PSD3: variants seen among roughly 807,000 people sequenced by gnomAD.
PSD3 encodes the protein pleckstrin and Sec7 domain containing 3, also known as PH and SEC7 domain-containing protein 3.
A neutral mutation model predicts 105.5 loss-of-function variants in PSD3; 49 were observed. The ratio of observed to expected loss-of-function variants is 0.46; its 90% CI spans 0.37 to 0.59. The LOEUF (loss-of-function observed/expected upper bound fraction) is 0.59, where lower values mean the gene tolerates loss of function less well. PSD3 is among the 20% of genes least tolerant of loss of function. The probability of loss-of-function intolerance (pLI) is 0.00; values close to 1 mark genes in which losing one functional copy is unlikely to be tolerated. For missense variants in PSD3, 1,561 were observed against 1,263.8 expected (o/e 1.24, Z -3.57); for synonymous variants, 557 against 457.8 (o/e 1.22, Z -2.77).
At chr8:18,751,924 C>T (rs1436679371) in intron 9 of PSD3, among the ~76,000 whole-genome samples, 5 of 148,258 alleles carry the variant, frequency 3.4e-5, no homozygotes, top group African/African-American at 1.3e-4. Context: ...CCTGGAATCC[C>T]AGCACTTTGG....
At chr8:18,878,659 A>G (rs1817889557) in intron 2 of PSD3, among the ~76,000 whole-genome samples, 1 of 152,164 alleles carries the variant, frequency 6.6e-6, no homozygotes, top group Admixed American at 6.5e-5. Context: ...TTATTTTCAC[A>G]TTTCAACACC....
At chr8:18,968,415 C>G (rs1298229244) in intron 1 of PSD3, among the ~76,000 whole-genome samples, 2 of 152,216 alleles carry the variant, frequency 1.3e-5, no homozygotes, top group Admixed American at 1.3e-4. Context: ...AAACCACACA[C>G]GTTATTTCAA....
At chr8:18,774,564 A>C in intron 8 of PSD3, 1 of 330,644 alleles carries the variant, frequency 3.0e-6, no homozygotes, top group Non-Finnish European at 5.8e-6. Flanking sequence ...TAGACCTCTT[A>C]CTTCTGTCGT....
chr8:18,534,278 T>C lies in PSD3; in HGVS notation c.*1465A>G, dbSNP rs1799743737. 6.6e-6 allele frequency: 1 copy of C among 152,566 alleles called. No homozygotes were observed. The highest frequency in any genetic ancestry group is 2.1e-4 in the South Asian group (1 of 4,820). The allele number at this position is 152,566 out of a possible 1,614,324, so 9.5% of individuals were successfully genotyped here. On this transcript the variant is annotated 3_prime_UTR_variant, in exon 16 of 16. Transcript: ENST00000327040. ...CTATTAGTTCTGAAGTTGTGCCACT[T>C]GCGGAGATTTTAACTTTAGGGATTA...
chr8:18,532,328 C>A lies in PSD3; in HGVS notation c.*3415G>T, dbSNP rs1420478216. 6.6e-6 allele frequency: 1 copy of A among 152,214 alleles called. No individual in the cohort carries two copies. The highest frequency in any genetic ancestry group is 2.4e-5 in the African/African-American group (1 of 41,456). The allele number at this position is 152,214 out of a possible 1,614,324, so 9.4% of individuals were successfully genotyped here. On this transcript the variant is annotated 3_prime_UTR_variant, in exon 16 of 16. Coordinates refer to ENST00000327040, the MANE Select transcript of PSD3 (RefSeq NM_015310.4). Reference sequence around the variant, plus strand: ...GCTTGGCCACAGGGTGAAATACAAACCTATCTTAGCCTTGGAAAGCCACCC... The same window carrying A: ...GCTTGGCCACAGGGTGAAATACAAAACTATCTTAGCCTTGGAAAGCCACCC...
intron 2 of PSD3, among the ~76,000 whole-genome samples, chr8:18,877,715 A>ATT (rs138155581): frequency 1.1e-4 from 17 of 150,930 alleles, no homozygotes; most frequent in Non-Finnish European, 1.5e-5. Context: ...ACAATTTTTC[A>ATT]TTTTTTTTAA....
chr8:18,755,475 A>AACATG (rs1805958147), intron 9 of PSD3, among the ~76,000 whole-genome samples: 1 of 151,510 alleles, frequency 6.6e-6, no homozygotes, highest in Admixed American at 6.6e-5. Flanking sequence ...AACATAACAT[A>AACATG]ACATAACATA....
chr8:18,807,781 A>T (rs1050380915), intron 4 of PSD3, among the ~76,000 whole-genome samples: 4 of 152,080 alleles, frequency 2.6e-5, no homozygotes, highest in Non-Finnish European at 4.4e-5. Flanking sequence ...TAAATGCATG[A>T]TTTTTTCATC....
upstream of PSD3, among the ~76,000 whole-genome samples, chr8:19,014,973 G>C (rs1055995981): frequency 6.6e-6 from 1 of 152,204 alleles, no homozygotes; most frequent in Non-Finnish European, 1.5e-5. The surrounding 1 kb of genome is among the most constrained non-coding windows in gnomAD (Gnocchi z 4.9). Context: ...CCCCCTGCCA[G>C]AGCAGCAGTG....
intron 1 of PSD3, among the ~76,000 whole-genome samples, chr8:18,937,800 G>A (rs545096310): frequency 2.6e-5 from 4 of 152,312 alleles, no homozygotes; most frequent in East Asian, 3.9e-4. Flanking sequence ...GGGCTGCCAC[G>A]TAAGGTGCCC....
At chr8:18,989,180 C>A (rs1825661978) in intron 1 of PSD3, 2 of 152,188 alleles carry the variant, frequency 1.3e-5, no homozygotes, top group Non-Finnish European at 2.9e-5. Context: ...AACCAGTGAG[C>A]ACCTCCTGTG....
chr8:18,811,085 A>G (rs1811641669), intron 4 of PSD3, among the ~76,000 whole-genome samples: 1 of 152,216 alleles, frequency 6.6e-6, no homozygotes, highest in Non-Finnish European at 1.5e-5. Context: ...TATTCAGAAG[A>G]GCCATAGCAC....
intron 9 of PSD3, among the ~76,000 whole-genome samples, chr8:18,746,709 T>G (rs1458708421): frequency 6.6e-6 from 1 of 152,234 alleles, no homozygotes; most frequent in African/African-American, 2.4e-5. Context: ...TTCAAAATTA[T>G]TTATGTTCGT....
chr8:18,595,726 A>G (rs1804047039), intron 12 of PSD3, among the ~76,000 whole-genome samples: 1 of 152,134 alleles, frequency 6.6e-6, no homozygotes, highest in Non-Finnish European at 1.5e-5. Flanking sequence ...AACCATTATT[A>G]GTACATATGC....
At chr8:18,906,073 G>A (rs750805354) in intron 2 of PSD3, among the ~76,000 whole-genome samples, 1 of 152,162 alleles carries the variant, frequency 6.6e-6, no homozygotes, top group Non-Finnish European at 1.5e-5. Context: ...AGTTGTATCT[G>A]AAAGACCGGC....
At chr8:18,792,877 T>G (rs564889211) in intron 8 of PSD3, among the ~76,000 whole-genome samples, 51 of 152,238 alleles carry the variant, frequency 3.4e-4, no homozygotes, top group African/African-American at 9.9e-4. Flanking sequence ...ACATGCACAC[T>G]TATGTTTATT....
chr8:18,954,504 G>A (rs1823435803), intron 1 of PSD3, among the ~76,000 whole-genome samples: 1 of 152,122 alleles, frequency 6.6e-6, no homozygotes, highest in South Asian at 2.1e-4. Flanking sequence ...GATGACCAAT[G>A]TTTAGTTCCC....
chr8:18,724,653 C>A (rs1406316316), intron 9 of PSD3, among the ~76,000 whole-genome samples: 3 of 151,958 alleles, frequency 2.0e-5, no homozygotes, highest in Middle Eastern at 3.4e-3. Context: ...TAAAATAATT[C>A]TTTCTGCTGG....
intron 1 of PSD3, among the ~76,000 whole-genome samples, chr8:18,964,125 T>C (rs892266291): frequency 9.9e-5 from 15 of 151,998 alleles, no homozygotes; most frequent in Non-Finnish European, 2.2e-4. Flanking sequence ...CGGGTTTTTT[T>C]TGTTTGTTTG....
Sources: allele counts gnomAD v4.1 joint callset (sites outside exome capture counted in the v4.1 genomes callset), GRCh38; gene constraint gnomAD v4.1.1; non-coding constraint Gnocchi (gnomAD v3.1); transcripts MANE v1.5; gene names NCBI Gene and HGNC (gene_info 2026-07-23, HGNC 2026-07-21).